The following TENM3 variants were observed in gnomAD, a reference collection of about 807,000 sequenced individuals.
The protein encoded by TENM3 is teneurin transmembrane protein 3, also known as teneurin-3.
TENM3 carries 63 observed loss-of-function variants against 255.1 expected under a neutral mutation model. The observed-to-expected ratio is 0.25, with a 90% confidence interval of 0.20 to 0.30. The LOEUF is 0.30. TENM3 is among the 10% of genes least tolerant of loss of function. The pLI is 1.00. For synonymous variants in TENM3, 1,306 were observed against 1,322.3 expected, an observed-to-expected ratio of 0.99 and a Z score of 0.27; for missense variants, 2,929 against 3,461.1, an observed-to-expected ratio of 0.85 and a Z score of 3.86.
intron 1 of TENM3, among the ~76,000 whole-genome samples, chr4:182,291,531 C>G (rs973736336): frequency 2.6e-5 from 4 of 152,130 alleles, no homozygotes; most frequent in Non-Finnish European, 5.9e-5. Flanking sequence ...GCCTGTACCT[C>G]GTCACATCAG....
intron 3 of TENM3, among the ~76,000 whole-genome samples, chr4:182,413,862 A>G (rs150770155): frequency 1.5e-4 from 23 of 152,244 alleles, no homozygotes; most frequent in African/African-American, 5.5e-4. Context: ...GACAGTTCCT[A>G]TCTTAGAAGA....
the TENM3 span, among the ~76,000 whole-genome samples, chr4:181,715,115 G>C: frequency 6.6e-6 from 1 of 152,288 alleles, no homozygotes; most frequent in Non-Finnish European, 1.5e-5. Flanking sequence ...GGAACCTTCA[G>C]TTTAATCCCA....
chr4:181,529,360 G>T, the TENM3 span, among the ~76,000 whole-genome samples: 3 of 152,234 alleles, frequency 2.0e-5, no homozygotes, highest in African/African-American at 7.2e-5. Flanking sequence ...CGATGACAGT[G>T]TAGTGTTAAC....
At chr4:181,702,728 C>T in the TENM3 span, among the ~76,000 whole-genome samples, 1 of 152,016 alleles carries the variant, frequency 6.6e-6, no homozygotes, top group Non-Finnish European at 1.5e-5. Context: ...ATAATTAGTC[C>T]TCATTGCATA....
chr4:181,475,951 A>G, the TENM3 span, among the ~76,000 whole-genome samples: 37 of 152,346 alleles, frequency 2.4e-4, no homozygotes, highest in African/African-American at 8.9e-4. Flanking sequence ...TGCAGAGCGC[A>G]GAGCTGATTA....
At chr4:181,754,888 G>C in the TENM3 span, among the ~76,000 whole-genome samples, 6 of 152,206 alleles carry the variant, frequency 3.9e-5, no homozygotes, top group Non-Finnish European at 5.9e-5. Flanking sequence ...AAATGTTATT[G>C]TACAGGCCAA....
At position 182,447,453 on chromosome 4, in the gene TENM3, G is replaced by C. The variant is rs143298223; in HGVS notation, c.511+100524G>C. On this transcript the variant is annotated intron_variant, in intron 3 of 27. Coordinates refer to ENST00000511685, the MANE Select transcript of TENM3 (RefSeq NM_001080477.4). ...GGGTATAAAAAGCGACAAAAGTCAA[G>C]GTAAAGCTAGTATGTTCAAGAAGAT... is the stretch of plus-strand genomic sequence containing the variant. Among the ~76,000 whole-genome samples, 801 of 152,228 alleles carry C rather than the reference G, an allele frequency of 5.3e-3. 8 individuals carry two copies. Among genetic ancestry groups the C allele is most frequent in the African/African-American group, 0.018 (768 of 41,540 alleles).
At chr4:182,198,106 AAAAAAATAAAT>A (rs1753943268) in intron 1 of TENM3, among the ~76,000 whole-genome samples, 1 of 152,056 alleles carries the variant, frequency 6.6e-6, no homozygotes, top group African/African-American at 2.4e-5. Context: ...CTCCATCTCA[AAAAAAATAAAT>A]AAAAAATAAA....
chr4:181,859,002 G>A, the TENM3 span, among the ~76,000 whole-genome samples: 1 of 152,144 alleles, frequency 6.6e-6, no homozygotes, highest in East Asian at 1.9e-4. Context: ...GAGGCAGGAA[G>A]CAGCTGCTGT....
chr4:182,690,945 C>T (rs989216636), intron 12 of TENM3, among the ~76,000 whole-genome samples: 3 of 152,178 alleles, frequency 2.0e-5, no homozygotes, highest in African/African-American at 7.2e-5. Context: ...AATAAGGGAC[C>T]TGCTTCATTT....
chr4:181,620,430 C>T, the TENM3 span, among the ~76,000 whole-genome samples: 1 of 152,172 alleles, frequency 6.6e-6, no homozygotes, highest in African/African-American at 2.4e-5. Flanking sequence ...TCTCTTTATA[C>T]ACGTGTTTCT....
chr4:182,669,429 C>T lies in TENM3; in HGVS notation c.1112-3576C>T, dbSNP rs187678289. On this transcript the variant is annotated intron_variant, in intron 6 of 27. Coordinates refer to ENST00000511685, the MANE Select transcript of TENM3 (RefSeq NM_001080477.4). ...GGACTACAGGCGCCCGCCACCACACCGGGCTAATTTTTTTGTATTCTTAGT... is the reference window on the plus strand; with the variant it reads ...GGACTACAGGCGCCCGCCACCACACTGGGCTAATTTTTTTGTATTCTTAGT... Among the ~76,000 whole-genome samples the T allele has an allele frequency of 3.7e-3, 557 of 152,066 alleles. 2 individuals carry two copies. The highest frequency in any genetic ancestry group is 0.012 in the African/African-American group (509 of 41,500).
the TENM3 span, among the ~76,000 whole-genome samples, chr4:181,826,986 C>G: frequency 6.6e-6 from 1 of 152,106 alleles, no homozygotes; most frequent in Admixed American, 6.5e-5. Flanking sequence ...AATTCAGAAC[C>G]AGGAGGCTAT....
the TENM3 span, among the ~76,000 whole-genome samples, chr4:182,090,010 A>C: frequency 6.6e-6 from 1 of 152,240 alleles, no homozygotes; most frequent in Non-Finnish European, 1.5e-5. Flanking sequence ...ACAACAAAAA[A>C]TAAAATAATT....
At chr4:181,995,566 C>T in the TENM3 span, among the ~76,000 whole-genome samples, 1 of 151,916 alleles carries the variant, frequency 6.6e-6, no homozygotes, top group Non-Finnish European at 1.5e-5. Flanking sequence ...ATATAATTTC[C>T]CGAAGAAATT....
Position 182,673,709 on chromosome 4 carries a change from G to A in TENM3, c.1326+490G>A, listed in dbSNP as rs142691331. ...TGACATGAGCTTTATCAACTCAGGC[G>A]CCGTGCCTCATCTAAAATGATCAAC... On this transcript the variant is annotated intron_variant, in intron 7 of 27. Transcript: ENST00000511685. Among the ~76,000 whole-genome samples, 399 of 152,250 alleles carry A rather than the reference G, an allele frequency of 2.6e-3. 2 individuals carry two copies. The highest frequency in any genetic ancestry group is 8.8e-3 in the African/African-American group (367 of 41,540).
At chr4:182,311,333 A>G (rs1428477370) in intron 1 of TENM3, among the ~76,000 whole-genome samples, 1 of 152,226 alleles carries the variant, frequency 6.6e-6, no homozygotes, top group Non-Finnish European at 1.5e-5. Flanking sequence ...TTTCAATATG[A>G]CAGCCTTCAT....
chr4:181,491,643 C>T, the TENM3 span, among the ~76,000 whole-genome samples: 1 of 151,926 alleles, frequency 6.6e-6, no homozygotes, highest in Non-Finnish European at 1.5e-5. Context: ...AATAGTCATG[C>T]CAATTAATCA....
the TENM3 span, among the ~76,000 whole-genome samples, chr4:181,950,494 C>A: frequency 6.6e-6 from 1 of 152,140 alleles, no homozygotes; most frequent in Non-Finnish European, 1.5e-5. Context: ...CATGTTACAC[C>A]ATATTAATTG....
Sources: allele counts gnomAD v4.1 joint callset (sites outside exome capture counted in the v4.1 genomes callset), GRCh38; gene constraint gnomAD v4.1.1; transcripts MANE v1.5; gene names NCBI Gene and HGNC (gene_info 2026-07-23, HGNC 2026-07-21).